Variants in NFRKB observed in about 807,000 individuals in gnomAD.
NFRKB encodes the protein nuclear factor related to kappa-B-binding protein.
NFRKB carries 62 observed loss-of-function variants against 135.7 expected under a neutral mutation model. That is an observed-to-expected ratio of 0.46 (90% CI 0.37 to 0.56). The LOEUF is 0.56. Ranked by LOEUF, NFRKB falls within the 20% of genes least tolerant of loss-of-function variation. The pLI is 0.00. For missense variants in NFRKB, 1,545 were observed against 1,662.0 expected, an observed-to-expected ratio of 0.93 and a Z score of 1.22; for synonymous variants, 678 against 635.6, an observed-to-expected ratio of 1.07 and a Z score of -1.00.
intron 10 of NFRKB, 25 bp from the exon 11 acceptor site, chr11:129,882,219 A>G: frequency 6.3e-7 from 1 of 1,575,824 alleles, no homozygotes; most frequent in Non-Finnish European, 8.6e-7. Context: ...AAAATATAAG[A>G]ACCAAAAAGA....
At chr11:129,891,999 C>T (rs188841486) in intron 3 of NFRKB, among the ~76,000 whole-genome samples, 1 of 152,236 alleles carries the variant, frequency 6.6e-6, no homozygotes, top group Non-Finnish European at 1.5e-5. Context: ...AGAAAAGATA[C>T]CCACTGATGT....
At chr11:129,877,254 G>C (rs552569161) in intron 16 of NFRKB, 71 bp downstream of exon 16, 1 of 1,418,884 alleles carries the variant, frequency 7.0e-7, no homozygotes, top group Non-Finnish European at 1.0e-6. Context: ...AGATGCAGGA[G>C]AGTCAGGCTC....
In NFRKB at chr11:129,864,456, G is replaced by C. The variant is rs561164261; in HGVS notation, c.*269C>G. ...CTCTCAGAACTCTGGCTTGTTGGAC[G>C]TAACTGGTAATTCCTGCAATTTCAA... On this transcript the variant is annotated 3_prime_UTR_variant, in exon 27 of 27. Transcript: ENST00000682444. 9.1e-5 allele frequency: 36 copies of C among 395,208 alleles called. 1 individual carries two copies. Among genetic ancestry groups the C allele is most frequent in the Admixed American group, 7.2e-4 (19 of 26,560 alleles). The allele number at this position is 395,208 out of a possible 1,614,324, so 24.5% of individuals were successfully genotyped here.
rs7935133 is a variant in NFRKB at position 129,865,830 on chromosome 11, C to T, written c.3638+47G>A. Reference sequence around the variant, plus strand: ...GACAAGGACTGGTAAGCCCTGCCTGCCACCTCCACCCCCGAATTGGTTCCT... The same window carrying T: ...GACAAGGACTGGTAAGCCCTGCCTGTCACCTCCACCCCCGAATTGGTTCCT... On this transcript the variant is annotated intron_variant, in intron 25 of 26. Transcript: ENST00000682444. The T allele has an allele frequency of 1.5e-4, 237 of 1,572,624 alleles. No homozygotes were observed. The African/African-American group carries it at 2.6e-3, about 18-fold the overall frequency.
intron 24 of NFRKB, among the ~76,000 whole-genome samples, chr11:129,868,152 A>G (rs1948299398): frequency 6.6e-6 from 1 of 152,168 alleles, no homozygotes; most frequent in South Asian, 2.1e-4. Flanking sequence ...GACTCCATAT[A>G]TAAGGTTAAA....
At chr11:129,881,345 AC>A (rs1395208150) in intron 13 of NFRKB, 97 bp downstream of exon 13, 2 of 1,254,700 alleles carry the variant, frequency 1.6e-6, no homozygotes, top group African/African-American at 3.0e-5. Context: ...GCTTTTTAAA[AC>A]CAATCTGCAG....
Position 129,865,944 on chromosome 11 carries a change from TCA to T in NFRKB, c.3569_3570del (p.Val1190AspfsTer41). 6.2e-7 allele frequency: 1 copy of T among 1,613,424 alleles called. No individual in the cohort carries two copies. Among genetic ancestry groups the T allele is most frequent in the Non-Finnish European group, 8.5e-7 (1 of 1,179,860 alleles). On this transcript the variant is annotated frameshift_variant, in exon 25 of 27. Coordinates refer to ENST00000682444, the MANE Select transcript of NFRKB (RefSeq NM_001143835.2). LOFTEE classifies it high-confidence loss of function. ...CTCTTGCCCTTCATTGGCTGGCTGATCACAGAGAGGGGAACTGTGATCCGTGT... is the reference window on the plus strand; with the variant it reads ...CTCTTGCCCTTCATTGGCTGGCTGATCAGAGAGGGGAACTGTGATCCGTGT... ...LPTRITVPLS[V>X]ISQPMKGKSV...
rs201960306 is a variant in NFRKB at position 129,876,709 on chromosome 11, C to G, written c.1747+12G>C. 6.2e-7 allele frequency: 1 copy of G among 1,609,062 alleles called. No homozygotes were observed. Among genetic ancestry groups the G allele is most frequent in the Admixed American group, 1.7e-5 (1 of 59,444 alleles). On this transcript the variant is annotated intron_variant, in intron 17 of 26. Coordinates refer to ENST00000682444, the MANE Select transcript of NFRKB (RefSeq NM_001143835.2). ...AGAAAGGGATCTCTGATAATCGACA[C>G]GTGCCACCTACCAAGAGACAGAATG... is the stretch of plus-strand genomic sequence containing the variant.
At chr11:129,895,043 G>C (rs1193874223) in intron 1 of NFRKB, among the ~76,000 whole-genome samples, 1 of 152,182 alleles carries the variant, frequency 6.6e-6, no homozygotes, top group African/African-American at 2.4e-5. Flanking sequence ...CCAGGGAGTT[G>C]GACCCCGGAA....
chr11:129,872,819 C>T, intron 23 of NFRKB, 65 bp downstream of exon 23: 1 of 1,493,256 alleles, frequency 6.7e-7, no homozygotes, highest in Non-Finnish European at 9.1e-7. Context: ...CCAAGAACCT[C>T]CAGCTCCAGT....
At chr11:129,880,739 C>T (rs1292643643) in intron 13 of NFRKB, among the ~76,000 whole-genome samples, 1 of 152,212 alleles carries the variant, frequency 6.6e-6, no homozygotes, top group East Asian at 1.9e-4. Flanking sequence ...GAGGAGCACA[C>T]TGTCTCAGAA....
intron 4 of NFRKB, chr11:129,888,268 C>A: frequency 1.7e-6 from 1 of 589,082 alleles, no homozygotes; most frequent in East Asian, 2.8e-5. Context: ...AAGCAAATGG[C>A]AAGCTCTTTT....
chr11:129,888,754 C>T lies in NFRKB; in HGVS notation c.177G>A (p.Gln59=), dbSNP rs1049168291. The change falls in exon 4 of 27, where the codon CAG becomes CAA. Residue 59 remains glutamine (Q), a synonymous_variant. Coordinates refer to ENST00000682444, the MANE Select transcript of NFRKB (RefSeq NM_001143835.2). The part of the protein sequence containing the change: ...FFDVVSLSTW[Q]EVLSDSQREH... ...CACGTTGAGAATCACTTAACACTTC[C>T]TGCCATGTTGAGAGGCTGACAACAT... The T allele has an allele frequency of 3.5e-5, 57 of 1,614,022 alleles. No individual in the cohort carries two copies. Among genetic ancestry groups the T allele is most frequent in the Non-Finnish European group, 4.6e-5 (54 of 1,180,026 alleles).
chr11:129,884,259 G>T, intron 7 of NFRKB, 116 bp from the exon 8 acceptor site: 1 of 1,053,440 alleles, frequency 9.5e-7, no homozygotes, highest in Non-Finnish European at 1.5e-6. Context: ...TGAACTACAA[G>T]TACCAAAAAT....
intron 22 of NFRKB, among the ~76,000 whole-genome samples, 165 bp downstream of exon 22, chr11:129,873,580 G>A (rs1011993186): frequency 1.3e-5 from 2 of 152,130 alleles, no homozygotes; most frequent in Admixed American, 6.5e-5. Context: ...ATCTAAAAAC[G>A]CTTACACAGC....
At chr11:129,871,674 C>T (rs988396820) in intron 23 of NFRKB, among the ~76,000 whole-genome samples, 7 of 152,196 alleles carry the variant, frequency 4.6e-5, no homozygotes, top group Non-Finnish European at 8.8e-5. Flanking sequence ...CTCTGATGAA[C>T]GGTCACTCCC....
chr11:129,888,341 T>A (rs983977975), intron 4 of NFRKB: 1 of 642,136 alleles, frequency 1.6e-6, no homozygotes, highest in African/African-American at 1.8e-5. Flanking sequence ...TTTTATTTTT[T>A]TATGTAGATG....
rs1005004456 is a variant in NFRKB, at chr11:129,894,434, G to T, written c.-97C>A. ...CTCCCTCCCGTTATTTCCAATTCTG[G>T]AATCCTGCAATGAATAATCTCTAGA... is the stretch of plus-strand genomic sequence containing the variant. On this transcript the variant is annotated 5_prime_UTR_variant, in exon 2 of 27. Coordinates refer to ENST00000682444, the MANE Select transcript of NFRKB (RefSeq NM_001143835.2). The T allele has an allele frequency of 2.0e-5, 3 of 152,166 alleles. No individual in the cohort carries two copies. Among genetic ancestry groups the T allele is most frequent in the Non-Finnish European group, 4.4e-5 (3 of 68,040 alleles). 9.4% of individuals were successfully genotyped at this position (152,166 alleles called of 1,614,324 possible).
At chr11:129,888,558 C>A in intron 4 of NFRKB, 36 bp downstream of exon 4, 1 of 1,589,278 alleles carries the variant, frequency 6.3e-7, no homozygotes, top group Non-Finnish European at 8.6e-7. Flanking sequence ...TGCCCATCCA[C>A]CACCCCCCTC....
Sources: gnomAD v4.1 joint callset for allele counts (sites outside exome capture counted in the v4.1 genomes callset) on GRCh38, gnomAD v4.1.1 for gene constraint, MANE v1.5 for transcripts, NCBI Gene and HGNC (gene_info 2026-07-23, HGNC 2026-07-21) for gene names.